The following TLR8 variants were observed in gnomAD, a reference collection of about 807,000 sequenced individuals.
The protein encoded by TLR8 is toll like receptor 8, also known as toll-like receptor 8.
A neutral mutation model predicts 18.5 loss-of-function variants in TLR8; 5 were observed. The observed-to-expected ratio is 0.27, with a 90% CI of 0.14 to 0.57. TLR8 has a LOEUF of 0.57. TLR8 is among the 20% of genes least tolerant of loss of function. The pLI, the probability that TLR8 is intolerant of heterozygous loss-of-function variation, is 0.92. For synonymous variants in TLR8, 299 were observed against 300.1 expected, an observed-to-expected ratio of 1.00 and a Z score of 0.04; for missense variants, 543 against 769.8, an observed-to-expected ratio of 0.71 and a Z score of 3.49.
chrX:12,909,385 G>C (rs1332254439), intron 1 of TLR8, among the ~76,000 whole-genome samples: 1 of 112,359 alleles, frequency 8.9e-6, no homozygotes, highest in Admixed American at 9.4e-5. Flanking sequence ...CAGAGAAGCT[G>C]AAAGATTGGA....
At chrX:12,909,510 G>A (rs1311283879) in intron 1 of TLR8, among the ~76,000 whole-genome samples, 1 of 111,647 alleles carries the variant, frequency 9.0e-6, no homozygotes, top group Non-Finnish European at 1.9e-5. Context: ...GCTAGTTGGT[G>A]TGTATGTCTA....
chrX:12,908,793 T>C lies in TLR8; in HGVS notation c.3+2084T>C, dbSNP rs756985453. 1.8e-3 allele frequency among the ~76,000 whole-genome samples: 205 copies of C among 112,554 alleles called. 1 individual carries two copies. The highest frequency in any genetic ancestry group is 4.6e-3 in the Middle Eastern group (1 of 219). On this transcript the variant is annotated intron_variant, in intron 1 of 1. Transcript: ENST00000218032. The stretch of plus-strand genomic sequence containing the variant: ...TTGATTTTAGAAAGCAAAATAGAAG[T>C]TCTAAGTATGCTTTCTCTGAAAAGC...
chrX:12,910,354 G>A, intron 1 of TLR8: 1 of 1,166,644 alleles, frequency 8.6e-7, no homozygotes, highest in Non-Finnish European at 1.1e-6. Flanking sequence ...ACCCATCCCA[G>A]GAGACCTTGA....
At chrX:12,913,464 G>T (rs892043350) in intron 1 of TLR8, among the ~76,000 whole-genome samples, 4 of 112,609 alleles carry the variant, frequency 3.6e-5, no homozygotes, top group Non-Finnish European at 5.6e-5. Context: ...CTCAAATACA[G>T]TTCCTGAAAT....
rs1220454792 is a variant in TLR8, at chrX:12,910,435, C to T, written c.3+3726C>T. The T allele has an allele frequency of 1.3e-5, 15 of 1,167,417 alleles. No individual in the cohort carries two copies. In the South Asian group the frequency reaches 2.1e-4, roughly 16 times the overall value. The stretch of plus-strand genomic sequence containing the variant: ...AGCTCCTGCAGCCTGGGAAAGGAGA[C>T]TAAAAAGGTAAAAAGCTGTTAATTC... On this transcript the variant is annotated intron_variant, in intron 1 of 1. Coordinates refer to ENST00000218032, the MANE Select transcript of TLR8 (RefSeq NM_138636.5).
chrX:12,908,390 A>G (rs2042999438), intron 1 of TLR8: 1 of 112,606 alleles, frequency 8.9e-6, no homozygotes, highest in Non-Finnish European at 1.9e-5. Context: ...GAGTAATAAT[A>G]AAATCAAATT....
rs5979764 is a variant in TLR8, at chrX:12,922,769, G to C, written c.*603G>C. On this transcript the variant is annotated 3_prime_UTR_variant, in exon 2 of 2. Transcript: ENST00000218032. ...TCCTGGGATGGCCTGCTATCTTGAT[G>C]ATAGATTGTGAATATCAGGAGGCAG... 8,168 of 111,643 alleles carry C rather than the reference G, an allele frequency of 0.073. 758 individuals are homozygous for C. The highest frequency in any genetic ancestry group is 0.25 in the African/African-American group (7,718 of 30,497). 9.2% of individuals were successfully genotyped at this position (111,643 alleles called of 1,213,427 possible).
At chrX:12,912,020 G>A (rs1602450563) in intron 1 of TLR8, among the ~76,000 whole-genome samples, 1 of 112,394 alleles carries the variant, frequency 8.9e-6, no homozygotes, top group East Asian at 2.8e-4. Flanking sequence ...CGGAGCACCC[G>A]ACTGTTAGGT....
chrX:12,910,513 G>C (rs2043013938), intron 1 of TLR8: 1 of 1,078,295 alleles, frequency 9.3e-7, no homozygotes, highest in African/African-American at 1.9e-5. Context: ...ACACTACGTG[G>C]AATTTATTTT....
chrX:12,910,231 G>C (rs2147253763), intron 1 of TLR8: 1 of 991,741 alleles, frequency 1.0e-6, no homozygotes, highest in South Asian at 2.9e-5. Flanking sequence ...ATTCAGCTCT[G>C]GTTGAATCCA....
chrX:12,913,136 T>C (rs1308193245), intron 1 of TLR8, among the ~76,000 whole-genome samples: 1 of 112,192 alleles, frequency 8.9e-6, no homozygotes, highest in Non-Finnish European at 1.9e-5. Context: ...AGTTAAAAAT[T>C]ATAATAAGGA....
At chrX:12,917,823 A>T (rs1480892564) in intron 1 of TLR8, among the ~76,000 whole-genome samples, 1 of 112,488 alleles carries the variant, frequency 8.9e-6, no homozygotes, top group African/African-American at 3.2e-5. Context: ...TAGGGAACAT[A>T]TGAGTAGTAA....
chrX:12,911,772 G>C (rs1480247377), intron 1 of TLR8, among the ~76,000 whole-genome samples: 1 of 112,373 alleles, frequency 8.9e-6, no homozygotes, highest in African/African-American at 3.2e-5. Flanking sequence ...CTGGTCCCTG[G>C]GGCCTGGCCC....
At chrX:12,918,173 T>C (rs2043068276) in intron 1 of TLR8, among the ~76,000 whole-genome samples, 1 of 112,053 alleles carries the variant, frequency 8.9e-6, no homozygotes, top group African/African-American at 3.3e-5. Flanking sequence ...TTTCCAGTCA[T>C]GCAAGAAGAA....
In TLR8 at chrX:12,921,302, C is replaced by T. The variant is rs372127380; in HGVS notation, c.2262C>T (p.Ser754=). ...SSNLLKTINK[S]ALETKTTTKL... ...ATCTGCTAAAAACAATCAACAAATCCGCACTTGAAACTAAGACCACCACCA... is the reference window on the plus strand; with the variant it reads ...ATCTGCTAAAAACAATCAACAAATCTGCACTTGAAACTAAGACCACCACCA... Residue 754 remains serine (S), a synonymous_variant, in exon 2 of 2, where the codon TCC becomes TCT. Transcript: ENST00000218032. The T allele has an allele frequency of 1.7e-4, 207 of 1,209,629 alleles. No homozygotes were observed. The highest frequency in any genetic ancestry group is 2.2e-4 in the Non-Finnish European group (197 of 895,143).
In TLR8 at chrX:12,919,235, G is replaced by A. The variant is rs1303781544; in HGVS notation, c.195G>A (p.Val65=). The A allele has an allele frequency of 8.3e-7, 1 of 1,211,617 alleles. No individual in the cohort carries two copies. Among genetic ancestry groups the A allele is most frequent in the Non-Finnish European group, 1.1e-6 (1 of 895,414 alleles). The change falls in exon 2 of 2, where the codon GTG becomes GTA. Residue 65 remains valine, a synonymous_variant. Coordinates refer to ENST00000218032, the MANE Select transcript of TLR8 (RefSeq NM_138636.5). ...QEVPQTVGKY[V]TELDLSDNFI... Reference sequence around the variant, plus strand: ...TTCCCCAAACGGTGGGCAAATATGTGACAGAACTAGACCTGTCTGATAATT... The same window carrying A: ...TTCCCCAAACGGTGGGCAAATATGTAACAGAACTAGACCTGTCTGATAATT...
At chrX:12,918,909 C>T in intron 1 of TLR8, 135 bp from the exon 2 acceptor site, 1 of 691,284 alleles carries the variant, frequency 1.4e-6, no homozygotes, top group Non-Finnish European at 2.1e-6. Context: ...TAATCTGATG[C>T]AATTTATTTA....
At chrX:12,909,591 G>C (rs1351132514) in intron 1 of TLR8, among the ~76,000 whole-genome samples, 3 of 111,839 alleles carry the variant, frequency 2.7e-5, no homozygotes, top group Non-Finnish European at 5.6e-5. Flanking sequence ...AGCCTGCTCA[G>C]TGCAGAAAGG....
rs750715531 is a variant in TLR8, at chrX:12,921,085, C to T, written c.2045C>T (p.Thr682Ile). 8.3e-7 allele frequency: 1 copy of T among 1,211,253 alleles called. No individual in the cohort carries two copies. Among genetic ancestry groups the T allele is most frequent in the South Asian group, 1.8e-5 (1 of 56,865 alleles). ...AATATGTTAAAGTTTTTTAACTGGA[C>T]ATTACTCCAGCAGTTTCCTCGTCTC... ...NDNMLKFFNW[T>I]LLQQFPRLEL... The change falls in exon 2 of 2, where the codon ACA becomes ATA. Residue 682 changes from threonine (T) to isoleucine (I), a missense_variant. By Grantham distance (89) the Thr-to-Ile change is moderately conservative. Transcript: ENST00000218032.
Sources: gnomAD v4.1 joint callset for allele counts (sites outside exome capture counted in the v4.1 genomes callset) on GRCh38, gnomAD v4.1.1 for gene constraint, MANE v1.5 for transcripts, NCBI Gene and HGNC (gene_info 2026-07-23, HGNC 2026-07-21) for gene names.